The following OR2M4 variants were observed in gnomAD, a reference collection of about 807,000 sequenced individuals.
The protein encoded by OR2M4 is olfactory receptor family 2 subfamily M member 4.
A neutral mutation model predicts 13.7 loss-of-function variants in OR2M4; 8 were observed. The observed-to-expected ratio is 0.58, with a 90% CI of 0.34 to 1.05. The LOEUF is 1.05. Ranked by LOEUF, OR2M4 falls within the 50% of genes least tolerant of loss-of-function variation. The pLI, the probability that OR2M4 is intolerant of heterozygous loss-of-function variation, is 0.02. For missense variants in OR2M4, 374 were observed against 381.6 expected (o/e 0.98, Z 0.17); for synonymous variants, 152 against 141.3 (o/e 1.08, Z -0.53).
Position 248,239,663 on chromosome 1 carries a change from G to A in OR2M4, c.735G>A (p.Leu245=), listed in dbSNP as rs374901335. ...RKAFTTCSSH[L]SVVGLYYGAA... ...CCTTCACTACCTGCTCCTCCCACCTGTCTGTGGTCGGACTCTACTACGGTG... is the reference window on the plus strand; with the variant it reads ...CCTTCACTACCTGCTCCTCCCACCTATCTGTGGTCGGACTCTACTACGGTG... The change falls in exon 2 of 2, where the codon CTG becomes CTA. Residue 245 remains leucine (L), a synonymous_variant. Transcript: ENST00000641868. 2.2e-5 allele frequency: 35 copies of A among 1,613,930 alleles called. No homozygotes were observed. The highest frequency in any genetic ancestry group is 3.3e-4 in the Middle Eastern group (2 of 6,084).
At chr1:248,238,214 C>T (rs1003411915) in intron 1 of OR2M4, among the ~76,000 whole-genome samples, 1 of 152,100 alleles carries the variant, frequency 6.6e-6, no homozygotes, top group Non-Finnish European at 1.5e-5. Context: ...AGCTTCTTTT[C>T]CACACAGAAT....
chr1:248,235,385 C>T (rs568101322), intron 1 of OR2M4, among the ~76,000 whole-genome samples: 1 of 152,152 alleles, frequency 6.6e-6, no homozygotes, highest in Admixed American at 6.5e-5. Flanking sequence ...GGTACGAGTA[C>T]CATGCTGTTT....
chr1:248,234,291 T>TTA (rs1553299084), intron 1 of OR2M4, among the ~76,000 whole-genome samples: 7 of 151,930 alleles, frequency 4.6e-5, no homozygotes, highest in African/African-American at 1.7e-4. Context: ...TTTTTTTTTT[T>TTA]AATTTGTATT....
chr1:248,232,695 T>A (rs1572804143), intron 1 of OR2M4, among the ~76,000 whole-genome samples: 2 of 152,142 alleles, frequency 1.3e-5, no homozygotes, highest in Non-Finnish European at 1.5e-5. Context: ...CAATTTCATG[T>A]GACATTGTAA....
At position 248,231,785 on chromosome 1, in the gene OR2M4, A is replaced by G. The variant is rs1056308488; in HGVS notation, c.-20+205A>G. On this transcript the variant is annotated intron_variant, in intron 1 of 1. Coordinates refer to ENST00000641868, the MANE Select transcript of OR2M4 (RefSeq NM_017504.2). ...CTTCACAACTACCTAATTGTGGAGT[A>G]TCCTGGAAATGTCCTCATTTCTCCT... 1.5e-4 allele frequency among the ~76,000 whole-genome samples: 23 copies of G among 152,220 alleles called. No homozygotes were observed. In the South Asian group the frequency reaches 4.8e-3, roughly 32 times the overall value.
In OR2M4 at chr1:248,241,927, A is replaced by G. The variant is rs914462418; in HGVS notation, c.*2063A>G. ...AAATAAATAATTTCTGTTAAATATAAAAAGTAGTTTTTATCATAGCAAATG... is the reference window on the plus strand; with the variant it reads ...AAATAAATAATTTCTGTTAAATATAGAAAGTAGTTTTTATCATAGCAAATG... On this transcript the variant is annotated 3_prime_UTR_variant, in exon 2 of 2. Coordinates refer to ENST00000641868, the MANE Select transcript of OR2M4 (RefSeq NM_017504.2). 6.6e-6 allele frequency: 1 copy of G among 152,208 alleles called. No homozygotes were observed. Among genetic ancestry groups the G allele is most frequent in the Non-Finnish European group, 1.5e-5 (1 of 68,030 alleles). 9.4% of individuals were successfully genotyped at this position (152,208 alleles called of 1,614,324 possible).
rs770897225 is a variant in OR2M4 at position 248,239,878 on chromosome 1, T to C, written c.*14T>C. On this transcript the variant is annotated 3_prime_UTR_variant, in exon 2 of 2. Coordinates refer to ENST00000641868, the MANE Select transcript of OR2M4 (RefSeq NM_017504.2). ...AAGTTAATATGACCTTATCAAAATCTTTTTGAGTGCCTACTGTGGTCAACA... is the reference window on the plus strand; with the variant it reads ...AAGTTAATATGACCTTATCAAAATCCTTTTGAGTGCCTACTGTGGTCAACA... 19 of 1,511,126 alleles carry C rather than the reference T, an allele frequency of 1.3e-5. No individual in the cohort carries two copies. The South Asian group carries it at 2.2e-4, about 17-fold the overall frequency. 93.6% of individuals were successfully genotyped at this position (1,511,126 alleles called of 1,614,324 possible). A position where few individuals can be genotyped will look rare whatever the true frequency, so the allele number is the denominator to read the frequency against.
rs1335845389 is a variant in OR2M4 at position 248,243,397 on chromosome 1, G to C, written c.*3533G>C. On this transcript the variant is annotated 3_prime_UTR_variant, in exon 2 of 2. Transcript: ENST00000641868. ...GCATTCGCAGGCACGCTGTCCGGTG[G>C]GGGTTGAGAGAGATGCCTCCTTACC... 1 of 152,134 alleles carries C rather than the reference G, an allele frequency of 6.6e-6. No individual in the cohort carries two copies. Among genetic ancestry groups the C allele is most frequent in the Non-Finnish European group, 1.5e-5 (1 of 68,034 alleles). The allele number at this position is 152,134 out of a possible 1,614,324, so 9.4% of individuals were successfully genotyped here. A position where few individuals can be genotyped will look rare whatever the true frequency, so the allele number is the denominator to read the frequency against.
chr1:248,238,761 C>A, intron 1 of OR2M4, 149 bp from the exon 2 acceptor site: 2 of 581,184 alleles, frequency 3.4e-6, no homozygotes, highest in South Asian at 4.9e-5. Context: ...ATGGACTAAT[C>A]CACACAATTT....
Position 248,239,893 on chromosome 1 carries a change from T to C in OR2M4, c.*29T>C, listed in dbSNP as rs1264563405. On this transcript the variant is annotated 3_prime_UTR_variant, in exon 2 of 2. Coordinates refer to ENST00000641868, the MANE Select transcript of OR2M4 (RefSeq NM_017504.2). ...TATCAAAATCTTTTTGAGTGCCTAC[T>C]GTGGTCAACACTCATTCAAAAAAAC... 1 of 1,403,962 alleles carries C rather than the reference T, an allele frequency of 7.1e-7. No homozygotes were observed. Among genetic ancestry groups the C allele is most frequent in the African/African-American group, 1.4e-5 (1 of 69,458 alleles). 87.0% of individuals were successfully genotyped at this position (1,403,962 alleles called of 1,614,324 possible).
At position 248,239,665 on chromosome 1, in the gene OR2M4, CTG is replaced by C. The variant is rs1221641014; in HGVS notation, c.740_741del (p.Val247GlyfsTer18). 6.2e-7 allele frequency: 1 copy of C among 1,614,108 alleles called. No homozygotes were observed. Among genetic ancestry groups the C allele is most frequent in the African/African-American group, 1.3e-5 (1 of 75,020 alleles). On this transcript the variant is annotated frameshift_variant, in exon 2 of 2. Transcript: ENST00000641868. LOFTEE classifies it high-confidence loss of function. ...TTCACTACCTGCTCCTCCCACCTGT[CTG>C]TGGTCGGACTCTACTACGGTGCTGC...
rs1229602747 is a variant in OR2M4, at chr1:248,238,997, C to G, written c.69C>G (p.Thr23=). Residue 23 remains threonine (T), a synonymous_variant, in exon 2 of 2, where the codon ACC becomes ACG. Transcript: ENST00000641868. ...ILLGIFNHSP[T]HTFLFSLVLG... ...TGGGAATCTTCAATCACAGTCCCAC[C>G]CACACCTTCCTTTTTTCTCTGGTCC... is the stretch of plus-strand genomic sequence containing the variant. 1 of 1,613,884 alleles carries G rather than the reference C, an allele frequency of 6.2e-7. No homozygotes were observed. The highest frequency in any genetic ancestry group is 1.7e-5 in the Admixed American group (1 of 60,006).
In OR2M4 at chr1:248,241,004, C is replaced by T. The variant is rs1280395681; in HGVS notation, c.*1140C>T. 2.0e-5 allele frequency: 3 copies of T among 152,220 alleles called. No individual in the cohort carries two copies. Among genetic ancestry groups the T allele is most frequent in the Non-Finnish European group, 2.9e-5 (2 of 68,060 alleles). 9.4% of individuals were successfully genotyped at this position (152,220 alleles called of 1,614,324 possible). A position where few individuals can be genotyped will look rare whatever the true frequency, so the allele number is the denominator to read the frequency against. On this transcript the variant is annotated 3_prime_UTR_variant, in exon 2 of 2. Transcript: ENST00000641868. ...ACTTGTGTTCCCACAAACCTTGACACTGAGGGCTAAAATGCGCTGAGGCTC... is the reference window on the plus strand; with the variant it reads ...ACTTGTGTTCCCACAAACCTTGACATTGAGGGCTAAAATGCGCTGAGGCTC...
rs529183063 is a variant in OR2M4 at position 248,242,698 on chromosome 1, A to G, written c.*2834A>G. 1 of 152,344 alleles carries G rather than the reference A, an allele frequency of 6.6e-6. No homozygotes were observed. The highest frequency in any genetic ancestry group is 2.4e-5 in the African/African-American group (1 of 41,580). 9.4% of individuals were successfully genotyped at this position (152,344 alleles called of 1,614,324 possible). ...TGTCAGCAACATCACACCTTATGTG[A>G]AACAGGTAAATTTAGAACAACCAGA... On this transcript the variant is annotated 3_prime_UTR_variant, in exon 2 of 2. Coordinates refer to ENST00000641868, the MANE Select transcript of OR2M4 (RefSeq NM_017504.2).
rs555153131 is a variant in OR2M4, at chr1:248,239,345, ACT to A, written c.420_421del (p.Val142LeufsTer13). 532 of 1,613,300 alleles carry A rather than the reference ACT, an allele frequency of 3.3e-4. 2 individuals are homozygous for A. The African/African-American group carries it at 6.1e-3, about 19-fold the overall frequency. ...AGTACACCATCCTCATGAATCCGAA[ACT>A]CTGTGTCTTCATGACTGTTGCTTCC... The part of the protein sequence containing the change: ...LQYTILMNPK[L>X]CVFMTVASWT... On this transcript the variant is annotated frameshift_variant, in exon 2 of 2. Transcript: ENST00000641868. LOFTEE classifies it high-confidence loss of function.
chr1:248,239,490 TC>T lies in OR2M4; in HGVS notation c.564del (p.Cys189AlafsTer17), dbSNP rs1666593406. On this transcript the variant is annotated frameshift_variant, in exon 2 of 2. Coordinates refer to ENST00000641868, the MANE Select transcript of OR2M4 (RefSeq NM_017504.2). LOFTEE classifies it high-confidence loss of function. ...TGATGTTGCTGCCCTTTTACCTCTA[TC>T]CTGCACAGAAACATCTGCATTTGAA... The part of the protein sequence containing the change: ...FCDVAALLPL[S>X]CTETSAFERL... The T allele has an allele frequency of 1.2e-6, 2 of 1,614,114 alleles. No homozygotes were observed. Among genetic ancestry groups the T allele is most frequent in the Non-Finnish European group, 1.7e-6 (2 of 1,180,002 alleles).
intron 1 of OR2M4, among the ~76,000 whole-genome samples, chr1:248,235,144 CA>C (rs1295940743): frequency 1.6e-4 from 24 of 152,074 alleles, no homozygotes; most frequent in African/African-American, 5.3e-4. Context: ...TGGAATTTTA[CA>C]TTTAAGTCTT....
At position 248,243,449 on chromosome 1, in the gene OR2M4, G is replaced by C. The variant is rs1666636673; in HGVS notation, c.*3585G>C. Reference sequence around the variant, plus strand: ...GGACGACTCCTGAGCCTTGGAGGAGGCCCCTCCAATTACTAGCACTTCGCC... The same window carrying C: ...GGACGACTCCTGAGCCTTGGAGGAGCCCCCTCCAATTACTAGCACTTCGCC... On this transcript the variant is annotated 3_prime_UTR_variant, in exon 2 of 2. Coordinates refer to ENST00000641868, the MANE Select transcript of OR2M4 (RefSeq NM_017504.2). 1 of 152,152 alleles carries C rather than the reference G, an allele frequency of 6.6e-6. No homozygotes were observed. The highest frequency in any genetic ancestry group is 1.5e-5 in the Non-Finnish European group (1 of 68,036). 9.4% of individuals were successfully genotyped at this position (152,152 alleles called of 1,614,324 possible).
At position 248,239,182 on chromosome 1, in the gene OR2M4, A is replaced by G; in HGVS notation, c.254A>G (p.Tyr85Cys). The change falls in exon 2 of 2, where the codon TAC becomes TGC. Residue 85 changes from tyrosine to cysteine, a missense_variant. Transcript: ENST00000641868. ...ACTCTACCCAAGATGATCTTCAGCT[A>G]CTTGTCTGGGAAGAAATCTATCTCT... ...CTTLPKMIFS[Y>C]LSGKKSISLA... 1.2e-6 allele frequency: 2 copies of G among 1,614,086 alleles called. No individual in the cohort carries two copies. The highest frequency in any genetic ancestry group is 2.2e-5 in the East Asian group (1 of 44,874).
Sources: gnomAD v4.1 joint callset for allele counts (sites outside exome capture counted in the v4.1 genomes callset) on GRCh38, gnomAD v4.1.1 for gene constraint, MANE v1.5 for transcripts, NCBI Gene and HGNC (gene_info 2026-07-23, HGNC 2026-07-21) for gene names.